SLC37A1: variants seen among roughly 807,000 people sequenced by gnomAD.
SLC37A1 encodes the protein solute carrier family 37 member 1.
Under a neutral mutation model 75.3 loss-of-function variants are expected in SLC37A1, and 49 were observed. The observed-to-expected ratio is 0.65, with a 90% CI of 0.52 to 0.83. The LOEUF is 0.83. Ranked by LOEUF, SLC37A1 falls within the 40% of genes least tolerant of loss-of-function variation. The pLI is 0.00. For missense variants in SLC37A1, 566 were observed against 695.0 expected, an observed-to-expected ratio of 0.81 and a Z score of 2.09; for synonymous variants, 268 against 292.1, an observed-to-expected ratio of 0.92 and a Z score of 0.84.
intron 13 of SLC37A1, 129 bp from the exon 14 acceptor site, chr21:42,564,579 G>C (rs2055923314): frequency 1.4e-6 from 1 of 706,402 alleles, no homozygotes; most frequent in Admixed American, 2.2e-5. Flanking sequence ...AAGGCTGCCT[G>C]CCCGTGATGC....
Position 42,543,433 on chromosome 21 carries a change from C to G in SLC37A1, c.564-3C>G. ...TTCTGTCTTCTGTTTTGTTGTGCTG[C>G]AGGAGAGGTTTGATTATGGGGGTCT... On this transcript the variant is annotated splice_region_variant and splice_polypyrimidine_tract_variant and intron_variant, in intron 7 of 19. Coordinates refer to ENST00000352133, the MANE Select transcript of SLC37A1 (RefSeq NM_001320537.2). 6.2e-7 allele frequency: 1 copy of G among 1,614,142 alleles called. No individual in the cohort carries two copies. The highest frequency in any genetic ancestry group is 8.5e-7 in the Non-Finnish European group (1 of 1,180,010).
intron 6 of SLC37A1, 60 bp from the exon 7 acceptor site, chr21:42,542,344 T>G: frequency 6.6e-7 from 1 of 1,513,700 alleles, no homozygotes. Flanking sequence ...TGCACCTCCC[T>G]GCAGCGCTGT....
At chr21:42,512,356 G>A (rs1265666404), upstream of SLC37A1, among the ~76,000 whole-genome samples, 2 of 152,156 alleles carry the variant, frequency 1.3e-5, no homozygotes, top group African/African-American at 4.8e-5. Flanking sequence ...TGAAAATCAG[G>A]AATGACAAGA....
chr21:42,552,398 C>T lies in SLC37A1; in HGVS notation c.769-1664C>T, dbSNP rs1045494787. Among the ~76,000 whole-genome samples, 2 of 152,216 alleles carry T rather than the reference C, an allele frequency of 1.3e-5. No homozygotes were observed. The highest frequency in any genetic ancestry group is 4.8e-5 in the African/African-American group (2 of 41,462). ...TATTTCTCTCTTCTATTCAAGAAAT[C>T]TGGAGAGAGCCAGCCCAGGATGATG... is the stretch of plus-strand genomic sequence containing the variant. On this transcript the variant is annotated intron_variant, in intron 9 of 19. Transcript: ENST00000352133. The surrounding 1 kb of genome is among the most constrained non-coding windows in gnomAD (Gnocchi z 4.2).
At chr21:42,553,449 G>A (rs1601734347) in intron 9 of SLC37A1, among the ~76,000 whole-genome samples, 1 of 152,112 alleles carries the variant, frequency 6.6e-6, no homozygotes, top group African/African-American at 2.4e-5. Context: ...GTTCTACATA[G>A]AGCCCTGTAG....
intron 3 of SLC37A1, among the ~76,000 whole-genome samples, chr21:42,531,389 C>CG (rs1330379220): frequency 6.6e-6 from 1 of 151,954 alleles, no homozygotes; most frequent in Admixed American, 6.6e-5. Context: ...CCGTGACGCC[C>CG]GCGTCTTCAC....
chr21:42,523,548 G>A (rs8134499), intron 2 of SLC37A1, among the ~76,000 whole-genome samples: 20,318 of 152,302 alleles, frequency 0.13, 1,614 homozygotes, highest in Non-Finnish European at 0.18. Context: ...CAGAAAGGAT[G>A]GTTTTCAGAA....
intron 11 of SLC37A1, among the ~76,000 whole-genome samples, chr21:42,559,704 G>A (rs189652563): frequency 5.3e-5 from 8 of 152,146 alleles, no homozygotes; most frequent in Non-Finnish European, 7.4e-5. Context: ...GGCAAAAACC[G>A]GTCTTTACTA....
intron 6 of SLC37A1, 113 bp from the exon 7 acceptor site, chr21:42,542,291 T>C (rs1468070160): frequency 4.1e-6 from 3 of 730,372 alleles, no homozygotes; most frequent in South Asian, 1.8e-5. Context: ...AGTCCATCTC[T>C]GGCTGTCGTG....
intron 10 of SLC37A1, among the ~76,000 whole-genome samples, chr21:42,556,223 G>A (rs1180989864): frequency 1.3e-5 from 2 of 152,196 alleles, no homozygotes; most frequent in Non-Finnish European, 2.9e-5. Context: ...TCTTGGGGAC[G>A]GTCGCACTTG....
chr21:42,557,466 A>C (rs1436102129), intron 10 of SLC37A1, among the ~76,000 whole-genome samples: 1 of 152,274 alleles, frequency 6.6e-6, no homozygotes. Context: ...ACGTGCCGTG[A>C]TGGGATTATC....
intron 2 of SLC37A1, among the ~76,000 whole-genome samples, chr21:42,523,708 T>A (rs993126310): frequency 6.6e-6 from 1 of 152,204 alleles, no homozygotes; most frequent in African/African-American, 2.4e-5. Context: ...AGAGGAAGAA[T>A]TGGAGAAAGG....
rs999811903 is a variant in SLC37A1 at position 42,563,988 on chromosome 21, G to A, written c.1135+111G>A. The stretch of plus-strand genomic sequence containing the variant: ...GGTTCCCCAAGGTCTCATATCCCCT[G>A]AGTGGGCCCAGCCCAAGAGGGTCAG... On this transcript the variant is annotated intron_variant, in intron 13 of 19. Coordinates refer to ENST00000352133, the MANE Select transcript of SLC37A1 (RefSeq NM_001320537.2). 1.1e-4 allele frequency: 143 copies of A among 1,254,110 alleles called. No homozygotes were observed. The African/African-American group carries it at 1.9e-3, about 17-fold the overall frequency. The allele number at this position is 1,254,110 out of a possible 1,614,324, so 77.7% of individuals were successfully genotyped here. A position where few individuals can be genotyped will look rare whatever the true frequency, so the allele number is the denominator to read the frequency against.
At chr21:42,546,905 T>C (rs2055421091) in intron 8 of SLC37A1, among the ~76,000 whole-genome samples, 198 bp from the exon 9 acceptor site, 1 of 152,254 alleles carries the variant, frequency 6.6e-6, no homozygotes, top group African/African-American at 2.4e-5. Flanking sequence ...CAAGTTAACA[T>C]AGCCATCGCA....
chr21:42,531,535 A>G (rs1439196262), intron 3 of SLC37A1, among the ~76,000 whole-genome samples: 1 of 152,168 alleles, frequency 6.6e-6, no homozygotes, highest in Middle Eastern at 3.2e-3. Context: ...CACTTGTGTA[A>G]AAAGGTGTAA....
chr21:42,550,416 C>T (rs892451013), intron 9 of SLC37A1, among the ~76,000 whole-genome samples: 2 of 152,216 alleles, frequency 1.3e-5, no homozygotes, highest in Non-Finnish European at 2.9e-5. Context: ...AGGAGGAAAT[C>T]TGAATAGATC....
At chr21:42,522,123 C>T (rs76960304) in intron 2 of SLC37A1, among the ~76,000 whole-genome samples, 10 of 152,294 alleles carry the variant, frequency 6.6e-5, no homozygotes, top group African/African-American at 1.4e-4. Flanking sequence ...CTGGTGAGGA[C>T]GCCAGTCATT....
chr21:42,554,600 C>T (rs764407648), intron 10 of SLC37A1, among the ~76,000 whole-genome samples: 14 of 152,002 alleles, frequency 9.2e-5, no homozygotes, highest in Non-Finnish European at 2.1e-4. Context: ...GGGTGAGGGG[C>T]GCACGGTGGG....
rs376589505 is a variant in SLC37A1 at position 42,530,848 on chromosome 21, C to T, written c.139-3850C>T. ...CGTACCTGCTGCAGAGAATGTGTCG[C>T]GTGGCTGTAGTCTTAGGCAACTTAG... On this transcript the variant is annotated intron_variant, in intron 3 of 19. Transcript: ENST00000352133. Among the ~76,000 whole-genome samples, 230 of 152,224 alleles carry T rather than the reference C, an allele frequency of 1.5e-3. 8 individuals carry two copies. The South Asian group carries it at 0.044, about 29-fold the overall frequency.
Sources: allele counts gnomAD v4.1 joint callset (sites outside exome capture counted in the v4.1 genomes callset), GRCh38; gene constraint gnomAD v4.1.1; non-coding constraint Gnocchi (gnomAD v3.1); transcripts MANE v1.5; gene names NCBI Gene and HGNC (gene_info 2026-07-23, HGNC 2026-07-21).